Variants in FAM135A observed in about 807,000 individuals in gnomAD.
FAM135A encodes the protein protein FAM135A.
In FAM135A, 79 loss-of-function variants were observed where a neutral mutation model predicts 146.8. That is an observed-to-expected ratio of 0.54 (90% CI 0.45 to 0.65). The LOEUF (loss-of-function observed/expected upper bound fraction) is 0.65. Ranked by LOEUF, FAM135A falls within the 30% of genes least tolerant of loss-of-function variation. The probability of loss-of-function intolerance (pLI) is 0.00; values close to 1 mark genes in which losing one functional copy is unlikely to be tolerated. For synonymous variants in FAM135A, 562 were observed against 603.6 expected, an observed-to-expected ratio of 0.93 and a Z score of 1.01; for missense variants, 1,623 against 1,758.2, an observed-to-expected ratio of 0.92 and a Z score of 1.38.
chr6:70,470,169 T>C (rs1377120402), intron 5 of FAM135A, among the ~76,000 whole-genome samples: 4 of 152,186 alleles, frequency 2.6e-5, no homozygotes, highest in African/African-American at 9.6e-5. Context: ...AGAACAGTTA[T>C]ATGGGCTAAA....
chr6:70,512,044 A>G (rs1791109381), intron 12 of FAM135A, among the ~76,000 whole-genome samples: 1 of 152,004 alleles, frequency 6.6e-6, no homozygotes. Flanking sequence ...ATTATAACAT[A>G]TTTTGAAAAC....
intron 20 of FAM135A, among the ~76,000 whole-genome samples, chr6:70,555,478 CTT>C (rs1191188759): frequency 2.0e-5 from 3 of 152,188 alleles, no homozygotes; most frequent in South Asian, 2.1e-4. Flanking sequence ...GTCTCAAACT[CTT>C]GGGCTCAGGC....
intron 4 of FAM135A, among the ~76,000 whole-genome samples, chr6:70,428,781 T>C (rs1425799467): frequency 1.3e-5 from 2 of 152,246 alleles, no homozygotes; most frequent in African/African-American, 4.8e-5. Flanking sequence ...ATGAAGCTTA[T>C]TTCACTTGAT....
chr6:70,541,330 A>G (rs1358878997), intron 20 of FAM135A, among the ~76,000 whole-genome samples: 1 of 150,988 alleles, frequency 6.6e-6, no homozygotes, highest in Non-Finnish European at 1.5e-5. Flanking sequence ...CCTTTTTTTC[A>G]CTTTTTTGGT....
At chr6:70,493,415 CAT>C (rs1462277256) in intron 11 of FAM135A, among the ~76,000 whole-genome samples, 10 of 152,160 alleles carry the variant, frequency 6.6e-5, no homozygotes, top group African/African-American at 2.4e-4. Flanking sequence ...TTAAAAATAA[CAT>C]ATGTATCCAT....
intron 21 of FAM135A, among the ~76,000 whole-genome samples, chr6:70,558,555 A>G (rs1801348924): frequency 6.6e-6 from 1 of 152,186 alleles, no homozygotes. Flanking sequence ...CATGCCTGTA[A>G]TCCCAGCACT....
At position 70,502,761 on chromosome 6, in the gene FAM135A, A is replaced by G; in HGVS notation, c.999A>G (p.Ile333Met). ...EVITLHEELR[I>M]LLAQEHHTLR... The stretch of plus-strand genomic sequence containing the variant: ...TAACGCTACACGAAGAACTAAGAAT[A>G]TTATTAGCACAAGAGCACCATACTT... Residue 333 changes from isoleucine (I) to methionine (M), a missense_variant, in exon 12 of 22, where the codon ATA becomes ATG. By Grantham distance (10) the Ile-to-Met change is conservative. This residue lies in a region of FAM135A where 206 missense variants were observed against 194.7 expected (regional missense o/e 1.06). Coordinates refer to ENST00000418814, the MANE Select transcript of FAM135A (RefSeq NM_001162529.3). 2 of 1,612,552 alleles carry G rather than the reference A, an allele frequency of 1.2e-6. No homozygotes were observed. The highest frequency in any genetic ancestry group is 1.7e-6 in the Non-Finnish European group (2 of 1,179,098).
At chr6:70,498,947 T>G (rs1055758899) in intron 11 of FAM135A, among the ~76,000 whole-genome samples, 2 of 152,194 alleles carry the variant, frequency 1.3e-5, no homozygotes, top group East Asian at 1.9e-4. Context: ...AGAATGTATA[T>G]TCTGTTGATT....
chr6:70,443,493 T>G (rs1287185976), intron 4 of FAM135A, among the ~76,000 whole-genome samples: 1 of 152,248 alleles, frequency 6.6e-6, no homozygotes, highest in East Asian at 1.9e-4. Context: ...CCAGCAGGTT[T>G]GTGTAAGTAC....
intron 4 of FAM135A, among the ~76,000 whole-genome samples, chr6:70,435,947 G>A (rs1452763066): frequency 6.6e-6 from 1 of 152,170 alleles, no homozygotes; most frequent in Admixed American, 6.5e-5. Context: ...ACTTTGGGAG[G>A]CCGAAGCAGG....
chr6:70,435,509 G>GT (rs1277522545), intron 4 of FAM135A, among the ~76,000 whole-genome samples: 1 of 151,630 alleles, frequency 6.6e-6, no homozygotes, highest in East Asian at 2.0e-4. Flanking sequence ...ATACAACACA[G>GT]TTTTTTTGTT....
At chr6:70,442,069 T>C (rs1293724038) in intron 4 of FAM135A, among the ~76,000 whole-genome samples, 3 of 152,210 alleles carry the variant, frequency 2.0e-5, no homozygotes, top group African/African-American at 7.2e-5. Context: ...TTTTACTTTT[T>C]TAATTTTATG....
At chr6:70,414,730 A>G (rs1767164583) in intron 1 of FAM135A, among the ~76,000 whole-genome samples, 1 of 152,208 alleles carries the variant, frequency 6.6e-6, no homozygotes, top group South Asian at 2.1e-4. Context: ...AAAGAGTGAC[A>G]GTAGCAACAA....
chr6:70,458,674 A>G (rs1170970991), intron 5 of FAM135A, among the ~76,000 whole-genome samples: 2 of 152,166 alleles, frequency 1.3e-5, no homozygotes, highest in African/African-American at 2.4e-5. Context: ...TAAATGTTAA[A>G]TTAATATGAA....
At chr6:70,470,400 G>A (rs1013013140) in intron 5 of FAM135A, among the ~76,000 whole-genome samples, 2 of 152,078 alleles carry the variant, frequency 1.3e-5, no homozygotes, top group African/African-American at 4.8e-5. Flanking sequence ...TGTTGCCCAA[G>A]CTGGAGTGCA....
chr6:70,457,797 G>A (rs924056365), intron 5 of FAM135A, among the ~76,000 whole-genome samples: 5 of 152,124 alleles, frequency 3.3e-5, no homozygotes, highest in Non-Finnish European at 4.4e-5. Context: ...ACAAAGTAAT[G>A]TTATTTTGAC....
intron 12 of FAM135A, chr6:70,513,187 C>T (rs1326929969): frequency 6.6e-6 from 1 of 151,624 alleles, no homozygotes; most frequent in Non-Finnish European, 1.5e-5. Context: ...TAATATTATA[C>T]TAAGTCTTGC....
At chr6:70,544,556 A>G (rs1364675230) in intron 20 of FAM135A, among the ~76,000 whole-genome samples, 1 of 151,902 alleles carries the variant, frequency 6.6e-6, no homozygotes, top group Non-Finnish European at 1.5e-5. Flanking sequence ...CCTGGGCAAC[A>G]TGGTGAAACC....
chr6:70,491,104 C>G lies in FAM135A; in HGVS notation c.873+21C>G, dbSNP rs181191612. 1.4e-3 allele frequency: 2,163 copies of G among 1,576,224 alleles called. 5 individuals carry two copies. The highest frequency in any genetic ancestry group is 1.7e-3 in the Non-Finnish European group (1,993 of 1,156,988). Reference sequence around the variant, plus strand: ...TTAAGGTACTTGGATTTTTTAAATTCACATCATCAAGTTATTTGAGTGGTT... The same window carrying G: ...TTAAGGTACTTGGATTTTTTAAATTGACATCATCAAGTTATTTGAGTGGTT... On this transcript the variant is annotated intron_variant, in intron 11 of 21. Coordinates refer to ENST00000418814, the MANE Select transcript of FAM135A (RefSeq NM_001162529.3).
Sources: allele counts gnomAD v4.1 joint callset (sites outside exome capture counted in the v4.1 genomes callset), GRCh38; gene constraint gnomAD v4.1.1; regional missense constraint gnomAD v4.1.1; transcripts MANE v1.5; gene names NCBI Gene and HGNC (gene_info 2026-07-23, HGNC 2026-07-21).